GPC6: variants seen among roughly 807,000 people sequenced by gnomAD.
GPC6 encodes glypican-6.
GPC6 carries 14 observed loss-of-function variants against 55.2 expected under a neutral mutation model. The ratio of observed to expected loss-of-function variants is 0.25; its 90% confidence interval spans 0.17 to 0.40. GPC6 has a LOEUF of 0.40. Among genes scored for constraint, GPC6 ranks in the 10% least tolerant of loss-of-function variants. The pLI is 1.00. For synonymous variants in GPC6, 278 were observed against 259.6 expected (o/e 1.07, Z -0.68); for missense variants, 641 against 708.5 (o/e 0.90, Z 1.08).
chr13:94,233,707 C>T (rs763975670), intron 4 of GPC6, among the ~76,000 whole-genome samples: 13 of 152,136 alleles, frequency 8.5e-5, no homozygotes, highest in Non-Finnish European at 1.5e-4. Flanking sequence ...GTTCAAGGAA[C>T]CCTTATATTT....
rs1483930964 is a variant in GPC6 at position 94,119,323 on chromosome 13, A to G, written c.877+91429A>G. On this transcript the variant is annotated intron_variant, in intron 4 of 8. Coordinates refer to ENST00000377047, the MANE Select transcript of GPC6 (RefSeq NM_005708.5). ...TTGGTGATAAGTGCTCTGAAGAAAA[A>G]TAAAGCAGAGAAGGGAGCCTAGGAG... 3.9e-5 allele frequency among the ~76,000 whole-genome samples: 6 copies of G among 152,090 alleles called. No individual in the cohort carries two copies. In the East Asian group the frequency reaches 7.7e-4, roughly 20 times the overall value.
At chr13:94,013,047 C>T (rs1882309477) in intron 3 of GPC6, among the ~76,000 whole-genome samples, 1 of 152,076 alleles carries the variant, frequency 6.6e-6, no homozygotes, top group Admixed American at 6.6e-5. Flanking sequence ...AAGCACACTG[C>T]CCAAATAAAA....
chr13:93,800,351 G>A (rs151069004), intron 2 of GPC6, among the ~76,000 whole-genome samples: 71 of 152,266 alleles, frequency 4.7e-4, no homozygotes, highest in African/African-American at 1.0e-3. Flanking sequence ...TAGAGTGAAT[G>A]TGCTCGTCAG....
intron 6 of GPC6, among the ~76,000 whole-genome samples, chr13:94,330,986 C>G (rs1478062781): frequency 6.6e-6 from 1 of 152,064 alleles, no homozygotes; most frequent in Non-Finnish European, 1.5e-5. Flanking sequence ...ATTGGGCCTC[C>G]CTCCAAATAT....
intron 3 of GPC6, among the ~76,000 whole-genome samples, chr13:93,924,507 A>C (rs1877749228): frequency 6.6e-6 from 1 of 152,242 alleles, no homozygotes; most frequent in African/African-American, 2.4e-5. Context: ...GCATTATTGT[A>C]CATCCTGAAC....
chr13:94,030,989 C>T (rs979248356), intron 4 of GPC6, among the ~76,000 whole-genome samples: 3 of 152,028 alleles, frequency 2.0e-5, no homozygotes, highest in African/African-American at 4.8e-5. Context: ...CCAACCACTA[C>T]TGAAGTTCTG....
Position 94,092,339 on chromosome 13 carries a change from T to G in GPC6, c.877+64445T>G, listed in dbSNP as rs552041792. Reference sequence around the variant, plus strand: ...GCCAACCACCATTCCATTCTCTGCTTCTATGAGTTTGACTTTTTAAGATTC... The same window carrying G: ...GCCAACCACCATTCCATTCTCTGCTGCTATGAGTTTGACTTTTTAAGATTC... On this transcript the variant is annotated intron_variant, in intron 4 of 8. Coordinates refer to ENST00000377047, the MANE Select transcript of GPC6 (RefSeq NM_005708.5). Among the ~76,000 whole-genome samples, 3 of 152,198 alleles carry G rather than the reference T, an allele frequency of 2.0e-5. No homozygotes were observed. In the East Asian group the frequency reaches 5.8e-4, roughly 29 times the overall value.
rs766902968 is a variant in GPC6 at position 94,172,900 on chromosome 13, G to A, written c.878-113449G>A. ...AGACACTGCCAATGACTGTTCCTGG[G>A]CAATGGTCTGATAGAGGCTGTCAAC... On this transcript the variant is annotated intron_variant, in intron 4 of 8. Coordinates refer to ENST00000377047, the MANE Select transcript of GPC6 (RefSeq NM_005708.5). Among the ~76,000 whole-genome samples, 8 of 152,268 alleles carry A rather than the reference G, an allele frequency of 5.3e-5. No homozygotes were observed. In the East Asian group the frequency reaches 1.5e-3, roughly 29 times the overall value.
At chr13:93,947,474 C>T (rs538577121) in intron 3 of GPC6, among the ~76,000 whole-genome samples, 1 of 152,196 alleles carries the variant, frequency 6.6e-6, no homozygotes, top group African/African-American at 2.4e-5. Context: ...CTATGAAAAA[C>T]AGTTGATGGA....
At chr13:93,589,998 C>T (rs1877389238) in intron 2 of GPC6, among the ~76,000 whole-genome samples, 1 of 152,174 alleles carries the variant, frequency 6.6e-6, no homozygotes, top group Non-Finnish European at 1.5e-5. Flanking sequence ...CTGGTAACTG[C>T]TCAGACTGTA....
chr13:93,545,984 TTAAA>T (rs1472002964), intron 2 of GPC6, among the ~76,000 whole-genome samples: 2 of 152,262 alleles, frequency 1.3e-5, no homozygotes, highest in Non-Finnish European at 2.9e-5. Context: ...ATTCTATTTG[TTAAA>T]TAAACATTTT....
At chr13:94,124,667 G>T (rs1466111140) in intron 4 of GPC6, among the ~76,000 whole-genome samples, 1 of 152,072 alleles carries the variant, frequency 6.6e-6, no homozygotes. Context: ...ATGCCCTCTC[G>T]CTCACATTCA....
chr13:93,550,573 C>A (rs1488014816), intron 2 of GPC6, among the ~76,000 whole-genome samples: 2 of 152,054 alleles, frequency 1.3e-5, no homozygotes, highest in Admixed American at 6.6e-5. Flanking sequence ...AATTTATATA[C>A]AATGACATAA....
intron 1 of GPC6, among the ~76,000 whole-genome samples, chr13:93,538,710 C>A (rs942416786): frequency 4.6e-5 from 7 of 152,144 alleles, no homozygotes; most frequent in African/African-American, 1.7e-4. Flanking sequence ...GTTAAAGGAA[C>A]TGACTGAGAA....
At chr13:93,800,241 T>C (rs975847385) in intron 2 of GPC6, among the ~76,000 whole-genome samples, 1 of 152,230 alleles carries the variant, frequency 6.6e-6, no homozygotes, top group Non-Finnish European at 1.5e-5. Flanking sequence ...ATATTAGTTT[T>C]TAAACTGCAT....
At position 93,843,436 on chromosome 13, in the gene GPC6, T is replaced by C. The variant is rs185648278; in HGVS notation, c.711+12891T>C. 3.2e-3 allele frequency among the ~76,000 whole-genome samples: 487 copies of C among 152,204 alleles called. 2 individuals carry two copies. Among genetic ancestry groups the C allele is most frequent in the Non-Finnish European group, 5.7e-3 (385 of 68,028 alleles). On this transcript the variant is annotated intron_variant, in intron 3 of 8. Transcript: ENST00000377047. ...AAAGGGAAAAGAAAGGATGGGTATA[T>C]AAAGGGGAGATAAGGAATGAGGCTG...
chr13:93,237,887 T>C (rs1876292266), intron 1 of GPC6, among the ~76,000 whole-genome samples: 1 of 152,104 alleles, frequency 6.6e-6, no homozygotes, highest in Non-Finnish European at 1.5e-5. Flanking sequence ...GGGATTAGGC[T>C]TTATTTCTGG....
At chr13:93,811,361 T>C (rs1886690021) in intron 2 of GPC6, among the ~76,000 whole-genome samples, 1 of 152,186 alleles carries the variant, frequency 6.6e-6, no homozygotes, top group Non-Finnish European at 1.5e-5. Context: ...ATTGATCTTA[T>C]AGACTGAAAG....
chr13:93,960,967 C>A (rs998626033), intron 3 of GPC6, among the ~76,000 whole-genome samples: 2 of 152,024 alleles, frequency 1.3e-5, no homozygotes, highest in Admixed American at 6.6e-5. Context: ...CACCCGCCAC[C>A]ACGTCCGGCT....
Sources: gnomAD v4.1 joint callset for allele counts (sites outside exome capture counted in the v4.1 genomes callset) on GRCh38, gnomAD v4.1.1 for gene constraint, MANE v1.5 for transcripts, NCBI Gene and HGNC (gene_info 2026-07-23, HGNC 2026-07-21) for gene names.